The following OSBPL10 variants were observed in gnomAD, a reference collection of about 807,000 sequenced individuals.
OSBPL10 encodes oxysterol-binding protein-related protein 10.
A neutral mutation model predicts 81.7 loss-of-function variants in OSBPL10; 49 were observed. The ratio of observed to expected loss-of-function variants is 0.60; its 90% CI spans 0.48 to 0.76. The LOEUF is 0.76. Ranked by LOEUF, OSBPL10 falls within the 30% of genes least tolerant of loss-of-function variation. The probability of loss-of-function intolerance (pLI) is 0.00; values close to 1 mark genes in which losing one functional copy is unlikely to be tolerated. For missense variants in OSBPL10, 923 were observed against 987.8 expected, an observed-to-expected ratio of 0.93 and a Z score of 0.88; for synonymous variants, 419 against 383.6, an observed-to-expected ratio of 1.09 and a Z score of -1.08.
At chr3:31,935,553 C>CA (rs1697361199) in intron 1 of OSBPL10, among the ~76,000 whole-genome samples, 4 of 149,726 alleles carry the variant, frequency 2.7e-5, no homozygotes, top group Non-Finnish European at 5.9e-5. Flanking sequence ...GACAGAGTCT[C>CA]ACTCTTTTCG....
At chr3:31,812,362 T>C (rs539003977) in intron 4 of OSBPL10, among the ~76,000 whole-genome samples, 2 of 152,326 alleles carry the variant, frequency 1.3e-5, no homozygotes, top group Admixed American at 1.3e-4. Context: ...GATAATTTAA[T>C]ACCTGGTTAA....
At chr3:31,785,233 T>C (rs1698832732) in intron 4 of OSBPL10, among the ~76,000 whole-genome samples, 1 of 152,124 alleles carries the variant, frequency 6.6e-6, no homozygotes, top group Non-Finnish European at 1.5e-5. Flanking sequence ...ATGTAATAAA[T>C]GGAAAAACAG....
chr3:31,685,561 C>T (rs1048251580), intron 7 of OSBPL10, among the ~76,000 whole-genome samples: 1 of 152,172 alleles, frequency 6.6e-6, no homozygotes, highest in Admixed American at 6.5e-5. Context: ...CGTGGACTCA[C>T]AGGATTTTGA....
At chr3:31,951,976 CT>C (rs2125446250) in intron 1 of OSBPL10, among the ~76,000 whole-genome samples, 1 of 152,284 alleles carries the variant, frequency 6.6e-6, no homozygotes, top group African/African-American at 2.4e-5. Flanking sequence ...GTGTGCAACT[CT>C]TACAGAACTC....
At chr3:32,039,864 T>A (rs1699555231) in intron 2 of OSBPL10, among the ~76,000 whole-genome samples, 1 of 152,122 alleles carries the variant, frequency 6.6e-6, no homozygotes, top group South Asian at 2.1e-4. Flanking sequence ...TGACTAATCA[T>A]AATCCTTTTA....
rs201979781 is a variant in OSBPL10 at position 31,979,249 on chromosome 3, C to CA, written c.281+1649dup. The stretch of plus-strand genomic sequence containing the variant: ...AGGGGAAGGGAGAGGCAACAGCAGA[C>CA]ACTAGGACTATTTTGAGAAATAAAA... On this transcript the variant is annotated intron_variant, in intron 1 of 11. Transcript: ENST00000396556. Among the ~76,000 whole-genome samples the CA allele has an allele frequency of 1.3e-3, 204 of 152,322 alleles. 2 individuals carry two copies. In the East Asian group the frequency reaches 0.037, roughly 28 times the overall value.
At chr3:31,948,563 A>G (rs866068039) in intron 1 of OSBPL10, among the ~76,000 whole-genome samples, 2 of 152,338 alleles carry the variant, frequency 1.3e-5, no homozygotes, top group Non-Finnish European at 2.9e-5. Flanking sequence ...CCTCCGTCAT[A>G]TAACTAACAA....
At chr3:31,919,781 G>GGA (rs1696860332) in intron 1 of OSBPL10, among the ~76,000 whole-genome samples, 1 of 152,190 alleles carries the variant, frequency 6.6e-6, no homozygotes, top group Non-Finnish European at 1.5e-5. Context: ...CCTGGGCTGA[G>GGA]GAAAACAGGA....
chr3:31,980,828 T>TACACACACGCACGCAC, intron 1 of OSBPL10, 71 bp downstream of exon 1: 2 of 1,423,624 alleles, frequency 1.4e-6, no homozygotes, highest in South Asian at 2.9e-5. Context: ...CAGACACACA[T>TACACACACGCACGCAC]ACACACACGC....
At chr3:31,858,402 G>A (rs1305028576) in intron 3 of OSBPL10, among the ~76,000 whole-genome samples, 4 of 152,086 alleles carry the variant, frequency 2.6e-5, no homozygotes, top group Non-Finnish European at 4.4e-5. Flanking sequence ...CATTTCACAA[G>A]CTGTGCCTTT....
upstream of OSBPL10, chr3:31,981,344 A>T: frequency 8.3e-7 from 1 of 1,200,106 alleles, no homozygotes; most frequent in Non-Finnish European, 1.0e-6. This position sits in a 1 kb window ranked among gnomAD's most constrained non-coding sequence, Gnocchi z 4.5. Context: ...GGCGAAGGAG[A>T]GCTGGGAAGG....
At chr3:31,870,548 G>A (rs550613063) in intron 3 of OSBPL10, among the ~76,000 whole-genome samples, 10 of 152,380 alleles carry the variant, frequency 6.6e-5, no homozygotes, top group South Asian at 6.2e-4. Flanking sequence ...GCCCCGGTGC[G>A]GGATCCACTG....
At chr3:32,030,470 G>A (rs557110273) in intron 2 of OSBPL10, 43 of 687,356 alleles carry the variant, frequency 6.3e-5, no homozygotes, top group East Asian at 2.6e-4. Flanking sequence ...ATTAATGTGC[G>A]TATTAAGCGT....
intron 11 of OSBPL10, chr3:31,662,681 A>T (rs1449185709): frequency 5.0e-5 from 49 of 985,254 alleles, no homozygotes; most frequent in Non-Finnish European, 5.5e-5. Flanking sequence ...TGTTCAGATG[A>T]CTCTTATTCC....
intron 1 of OSBPL10, among the ~76,000 whole-genome samples, chr3:31,972,330 A>G (rs918384426): frequency 6.6e-6 from 1 of 152,194 alleles, no homozygotes; most frequent in South Asian, 2.1e-4. Flanking sequence ...TGGAAGTTGC[A>G]GTGAGTGGAG....
chr3:31,726,754 C>T (rs1696819635), intron 6 of OSBPL10, among the ~76,000 whole-genome samples: 2 of 152,068 alleles, frequency 1.3e-5, no homozygotes, highest in African/African-American at 4.8e-5. Flanking sequence ...ATGGAAGAAA[C>T]TTGTATCTTT....
chr3:31,745,401 ACAT>A (rs1423400837), intron 5 of OSBPL10, among the ~76,000 whole-genome samples: 1 of 152,246 alleles, frequency 6.6e-6, no homozygotes, highest in Admixed American at 6.5e-5. Flanking sequence ...GGTGAAGCAA[ACAT>A]CATAACATGT....
intron 9 of OSBPL10, 130 bp downstream of exon 9, chr3:31,670,667 G>A: frequency 1.8e-6 from 2 of 1,090,906 alleles, no homozygotes; most frequent in Non-Finnish European, 2.6e-6. Context: ...CATCTCTTTT[G>A]GAAAAGACCT....
At chr3:31,752,026 AG>A (rs1697739157) in intron 4 of OSBPL10, among the ~76,000 whole-genome samples, 1 of 152,196 alleles carries the variant, frequency 6.6e-6, no homozygotes. Flanking sequence ...ATTTTAATTA[AG>A]GGCACATGTG....
Sources: allele counts gnomAD v4.1 joint callset (sites outside exome capture counted in the v4.1 genomes callset), GRCh38; gene constraint gnomAD v4.1.1; non-coding constraint Gnocchi (gnomAD v3.1); transcripts MANE v1.5; gene names NCBI Gene and HGNC (gene_info 2026-07-23, HGNC 2026-07-21).